Variants in FASN observed in about 807,000 individuals in gnomAD.
FASN encodes fatty acid synthase, also known as 3-hydroxyacyl-[acyl-carrier-protein] dehydratase.
Under a neutral mutation model 250.0 loss-of-function variants are expected in FASN, and 50 were observed. The ratio of observed to expected loss-of-function variants is 0.20; its 90% CI spans 0.16 to 0.25. The LOEUF is 0.25. Among genes scored for constraint, FASN ranks in the 10% least tolerant of loss-of-function variants. The probability of loss-of-function intolerance (pLI) is 1.00; values close to 1 mark genes in which losing one functional copy is unlikely to be tolerated. For missense variants in FASN, 3,031 were observed against 3,498.5 expected (o/e 0.87, Z 3.37); for synonymous variants, 1,909 against 1,584.0 (o/e 1.21, Z -4.87).
intron 41 of FASN, 186 bp downstream of exon 41, chr17:82,079,954 C>T (rs772326706): frequency 1.3e-4 from 93 of 703,770 alleles, no homozygotes; most frequent in Non-Finnish European, 2.1e-4. Flanking sequence ...GTAATCTGCC[C>T]GCCTTAGCCT....
Position 82,084,396 on chromosome 17 carries a change from G to A in FASN, c.4769-12C>T, listed in dbSNP as rs528223951. The A allele has an allele frequency of 1.5e-5, 24 of 1,602,204 alleles. No individual in the cohort carries two copies. The highest frequency in any genetic ancestry group is 1.7e-4 in the Middle Eastern group (1 of 6,050). ...GGAGGTCCACTTCCCTGGGGGAGAC[G>A]GCACTGAGCCCCTCACCGCCTGCCC... On this transcript the variant is annotated splice_polypyrimidine_tract_variant and intron_variant, in intron 27 of 42. Transcript: ENST00000306749.
In FASN at chr17:82,084,610, G is replaced by A. The variant is rs781272632; in HGVS notation, c.4671C>T (p.Thr1557=). 6.2e-7 allele frequency: 1 copy of A among 1,608,684 alleles called. No individual in the cohort carries two copies. The highest frequency in any genetic ancestry group is 2.2e-5 in the East Asian group (1 of 44,736). ...CCGTGCAGAGCTGGGCGCCAGGGCA[G>A]GTGGGCTGGGCATGGCGCAGCGAGG... ...VCSSLRHAQP[T]CPGAQLCTVY... Residue 1557 remains threonine, a synonymous_variant, in exon 27 of 43, where the codon ACC becomes ACT. Coordinates refer to ENST00000306749, the MANE Select transcript of FASN (RefSeq NM_004104.5).
At position 82,085,666 on chromosome 17, in the gene FASN, A is replaced by C; in HGVS notation, c.3938T>G (p.Leu1313Arg). The C allele has an allele frequency of 6.3e-7, 1 of 1,586,458 alleles. No homozygotes were observed. The highest frequency in any genetic ancestry group is 8.6e-7 in the Non-Finnish European group (1 of 1,167,168). ...APSALGSADL[L>R]VCNCAVAALG... ...GGCAGCCACAGCACAGTTGCACACC[A>C]GGAGGTCGGCGCTGCCCAGGGCGCT... Residue 1313 changes from leucine (L) to arginine (R), a missense_variant, in exon 23 of 43, where the codon CTG becomes CGG. Leu to Arg is a moderately radical substitution (Grantham distance 102). Coordinates refer to ENST00000306749, the MANE Select transcript of FASN (RefSeq NM_004104.5).
intron 2 of FASN, 125 bp downstream of exon 2, chr17:82,096,194 G>T: frequency 6.8e-7 from 1 of 1,475,200 alleles, no homozygotes. Flanking sequence ...TGGCTCTGCA[G>T]CTGGGACCGG....
intron 36 of FASN, 67 bp from the exon 37 acceptor site, chr17:82,081,910 G>A: frequency 2.4e-6 from 1 of 410,120 alleles, no homozygotes; most frequent in Non-Finnish European, 4.1e-6. Flanking sequence ...CACTGGGAGA[G>A]GGTGGGGTGG....
chr17:82,085,430 C>G, intron 23 of FASN, 28 bp from the exon 24 acceptor site: 2 of 1,602,486 alleles, frequency 1.2e-6, no homozygotes, highest in Non-Finnish European at 1.7e-6. Context: ...AGCACCCTGC[C>G]CGCCTGGCCC....
At chr17:82,097,970 G>A (rs1157973030) in intron 1 of FASN, among the ~76,000 whole-genome samples, 151 bp downstream of exon 1, 2 of 151,990 alleles carry the variant, frequency 1.3e-5, no homozygotes, top group African/African-American at 4.8e-5. Context: ...CGAACACCGA[G>A]ACCCGGACAG....
At position 82,080,741 on chromosome 17, in the gene FASN, G is replaced by T; in HGVS notation, c.6777C>A (p.Ser2259Arg). ...TGGGGATGCTGAGCCGGGAGGCCAG[G>T]CTGTGGAACACGGTGGTGGAGCCCT... ...PIEGSTTVFHSLASRLSIPTY... is the reference protein window; with the variant it reads ...PIEGSTTVFHRLASRLSIPTY... Residue 2259 changes from serine (S) to arginine (R), a missense_variant, in exon 39 of 43, where the codon AGC (serine) becomes AGA (arginine). Coordinates refer to ENST00000306749, the MANE Select transcript of FASN (RefSeq NM_004104.5). 1 of 1,603,870 alleles carries T rather than the reference G, an allele frequency of 6.2e-7. No individual in the cohort carries two copies. Among genetic ancestry groups the T allele is most frequent in the Non-Finnish European group, 8.5e-7 (1 of 1,176,488 alleles).
intron 3 of FASN, among the ~76,000 whole-genome samples, chr17:82,094,997 G>A (rs1303397071): frequency 6.6e-6 from 1 of 151,822 alleles, no homozygotes; most frequent in African/African-American, 2.4e-5. Flanking sequence ...GTGGGGGCCT[G>A]GAGGGCCCCT....
intron 21 of FASN, 100 bp downstream of exon 21, chr17:82,086,950 A>C (rs1031970524): frequency 6.4e-6 from 9 of 1,411,438 alleles, no homozygotes; most frequent in African/African-American, 4.2e-5. Context: ...GCTGACCCCA[A>C]AGGGGGCCCC....
At chr17:82,087,541 A>C in intron 19 of FASN, 37 bp from the exon 20 acceptor site, 1 of 1,609,466 alleles carries the variant, frequency 6.2e-7, no homozygotes, top group South Asian at 1.1e-5. Flanking sequence ...TGGAACTCCC[A>C]GGTCCCTGGG....
chr17:82,093,186 C>T (rs369872109), intron 5 of FASN, 33 bp downstream of exon 5: 72 of 1,550,956 alleles, frequency 4.6e-5, no homozygotes, highest in Non-Finnish European at 4.7e-5. Flanking sequence ...TGCCACTGTC[C>T]CGCCTGCCCT....
At chr17:82,087,649 C>G in intron 19 of FASN, 36 bp downstream of exon 19, 1 of 1,607,946 alleles carries the variant, frequency 6.2e-7, no homozygotes, top group Non-Finnish European at 8.5e-7. Context: ...GACCGCCCTC[C>G]CCGGTGGCTT....
Position 82,080,203 on chromosome 17 carries a change from A to G in FASN, c.7083T>C (p.Ala2361=), listed in dbSNP as rs2144778888. Residue 2361 remains alanine, a synonymous_variant, in exon 41 of 43, where the codon GCT becomes GCC. Transcript: ENST00000306749. ...YRAKLTPGCE[A]EAETEAICFF... ...AGCATATGGCCTCCGTCTCAGCCTC[A>G]GCCTCACAGCCTGGGGTCAGCTTTG... The G allele has an allele frequency of 1.9e-6, 3 of 1,613,210 alleles. No individual in the cohort carries two copies. The highest frequency in any genetic ancestry group is 2.5e-6 in the Non-Finnish European group (3 of 1,180,018).
chr17:82,091,346 G>A lies in FASN; in HGVS notation c.1368C>T (p.Asp456=). The change falls in exon 9 of 43, where the codon GAC becomes GAT. Residue 456 remains aspartate, a synonymous_variant. Coordinates refer to ENST00000306749, the MANE Select transcript of FASN (RefSeq NM_004104.5). The part of the protein sequence containing the change: ...QDLAFLSMLN[D]IAAVPATAMP... ...TGGCGGTGGCGGGGACAGCCGCGAT[G>A]TCGTTCAGCATGCTCAGGAAAGCCA... 4 of 1,610,784 alleles carry A rather than the reference G, an allele frequency of 2.5e-6. No homozygotes were observed. The highest frequency in any genetic ancestry group is 3.4e-6 in the Non-Finnish European group (4 of 1,179,146).
chr17:82,091,794 C>CACA, intron 8 of FASN, 110 bp from the exon 9 acceptor site: 2 of 986,934 alleles, frequency 2.0e-6, no homozygotes, highest in Non-Finnish European at 2.9e-6. Flanking sequence ...TTCCAGGGCC[C>CACA]TCTCCGATGC....
rs773266984 is a variant in FASN at position 82,087,108 on chromosome 17, C to T, written c.3369G>A (p.Thr1123=). The change falls in exon 21 of 43, where the codon ACG becomes ACA. Residue 1123 remains threonine, a synonymous_variant. Transcript: ENST00000306749. ...ILEKFCFTPH[T]EEGCLSERAA... is the part of the protein sequence containing the mutation. ...CGCGCTCAGACAGGCACCCCTCCTC[C>T]GTGTGGGGAGTGAAGCAAAACTTCT... 32 of 1,611,938 alleles carry T rather than the reference C, an allele frequency of 2.0e-5. No homozygotes were observed. Among genetic ancestry groups the T allele is most frequent in the East Asian group, 4.5e-5 (2 of 44,884 alleles).
chr17:82,090,677 G>T, intron 10 of FASN, 113 bp from the exon 11 acceptor site: 1 of 1,138,370 alleles, frequency 8.8e-7, no homozygotes, highest in Non-Finnish European at 1.3e-6. Flanking sequence ...ACCCTCCCAG[G>T]TCTCCTGATA....
intron 3 of FASN, among the ~76,000 whole-genome samples, chr17:82,094,475 G>A (rs1030418204): frequency 2.6e-5 from 4 of 152,050 alleles, no homozygotes; most frequent in African/African-American, 9.7e-5. Context: ...TTCTCCGCCC[G>A]GGGAGGGAGC....
Sources: allele counts gnomAD v4.1 joint callset (sites outside exome capture counted in the v4.1 genomes callset), GRCh38; gene constraint gnomAD v4.1.1; transcripts MANE v1.5; gene names NCBI Gene and HGNC (gene_info 2026-07-23, HGNC 2026-07-21).